Variants in ADAMTSL3 observed in about 807,000 individuals in gnomAD.
ADAMTSL3 encodes the protein ADAMTS-like protein 3.
Under a neutral mutation model 201.7 loss-of-function variants are expected in ADAMTSL3, and 128 were observed. That is an observed-to-expected ratio of 0.63 (90% CI 0.55 to 0.73). The LOEUF (loss-of-function observed/expected upper bound fraction) is 0.73, where lower values mean the gene tolerates loss of function less well. Ranked by LOEUF, ADAMTSL3 falls within the 30% of genes least tolerant of loss-of-function variation. ADAMTSL3 has a pLI of 0.00. For synonymous variants in ADAMTSL3, 738 were observed against 748.4 expected, an observed-to-expected ratio of 0.99 and a Z score of 0.23; for missense variants, 1,990 against 2,119.6, an observed-to-expected ratio of 0.94 and a Z score of 1.20.
intron 3 of ADAMTSL3, among the ~76,000 whole-genome samples, chr15:83,739,193 C>A (rs2062415321): frequency 1.3e-5 from 2 of 151,388 alleles, no homozygotes; most frequent in South Asian, 4.2e-4. Flanking sequence ...TAAAATCATG[C>A]AGAAGGATGG....
intron 7 of ADAMTSL3, among the ~76,000 whole-genome samples, chr15:83,848,173 C>A (rs2064540661): frequency 6.7e-6 from 1 of 150,194 alleles, no homozygotes; most frequent in Non-Finnish European, 1.5e-5. Flanking sequence ...AAAACACACA[C>A]CAAAAAAATA....
At chr15:83,749,368 A>G (rs2062601683) in intron 3 of ADAMTSL3, among the ~76,000 whole-genome samples, 1 of 152,052 alleles carries the variant, frequency 6.6e-6, no homozygotes, top group Non-Finnish European at 1.5e-5. Flanking sequence ...TTGATAGTAC[A>G]CTCTTGCAGC....
intron 4 of ADAMTSL3, among the ~76,000 whole-genome samples, chr15:83,781,996 T>G (rs2063177383): frequency 6.6e-6 from 1 of 152,206 alleles, no homozygotes; most frequent in African/African-American, 2.4e-5. Flanking sequence ...TCAACCTTTG[T>G]GGAAGACAGT....
At chr15:83,883,986 G>A (rs1457652930) in intron 9 of ADAMTSL3, among the ~76,000 whole-genome samples, 1 of 151,638 alleles carries the variant, frequency 6.6e-6, no homozygotes, top group Admixed American at 6.6e-5. Flanking sequence ...TCCGCCTCCC[G>A]GGTTCGAGCT....
intron 4 of ADAMTSL3, among the ~76,000 whole-genome samples, chr15:83,791,026 A>T (rs2063335791): frequency 6.6e-6 from 1 of 152,232 alleles, no homozygotes; most frequent in East Asian, 1.9e-4. Flanking sequence ...GAATACATTT[A>T]GCCAAGGAGG....
chr15:83,934,177 G>T (rs552257508), intron 17 of ADAMTSL3, among the ~76,000 whole-genome samples: 23 of 151,858 alleles, frequency 1.5e-4, no homozygotes, highest in South Asian at 6.2e-4. Flanking sequence ...CAGCTGGGAG[G>T]GGGGGCTGTA....
intron 8 of ADAMTSL3, among the ~76,000 whole-genome samples, chr15:83,865,941 T>C (rs2064966074): frequency 6.6e-6 from 1 of 151,950 alleles, no homozygotes; most frequent in Non-Finnish European, 1.5e-5. Flanking sequence ...CATCAAAAAG[T>C]GGGTGAAGGA....
intron 19 of ADAMTSL3, among the ~76,000 whole-genome samples, chr15:83,944,587 G>C (rs553699588): frequency 6.6e-6 from 1 of 152,240 alleles, no homozygotes; most frequent in South Asian, 2.1e-4. Flanking sequence ...CCTTTTTATA[G>C]ATGAGAAAAA....
At chr15:83,805,554 C>A (rs149086287) in intron 5 of ADAMTSL3, among the ~76,000 whole-genome samples, 1 of 147,920 alleles carries the variant, frequency 6.8e-6, no homozygotes, top group African/African-American at 2.5e-5. Flanking sequence ...GAGACTCTGT[C>A]TCAAAAAAAA....
intron 3 of ADAMTSL3, chr15:83,740,193 A>AT (rs1288764432): frequency 4.8e-6 from 1 of 208,978 alleles, no homozygotes; most frequent in East Asian, 1.1e-4. Flanking sequence ...GGGTTTCTTG[A>AT]TTTTCCACAG....
At chr15:83,686,199 A>C (rs367942183) in intron 2 of ADAMTSL3, among the ~76,000 whole-genome samples, 3 of 152,234 alleles carry the variant, frequency 2.0e-5, no homozygotes, top group Admixed American at 1.3e-4. Flanking sequence ...AGAAGGGTAT[A>C]GACCGGTTTT....
chr15:83,989,707 G>C (rs906937244), intron 22 of ADAMTSL3, among the ~76,000 whole-genome samples: 1 of 152,182 alleles, frequency 6.6e-6, no homozygotes, highest in East Asian at 1.9e-4. Context: ...CAGGCACAAA[G>C]TATGCTTCCT....
intron 2 of ADAMTSL3, among the ~76,000 whole-genome samples, chr15:83,697,689 C>A (rs1396857689): frequency 6.6e-6 from 1 of 152,094 alleles, no homozygotes. Flanking sequence ...TGGGGTGTGC[C>A]ACCTCCAGGC....
chr15:83,901,609 A>G (rs961696315), intron 15 of ADAMTSL3, among the ~76,000 whole-genome samples: 1 of 152,238 alleles, frequency 6.6e-6, no homozygotes, highest in Non-Finnish European at 1.5e-5. Flanking sequence ...TTGGTAGTCA[A>G]GCTGATGGAA....
intron 15 of ADAMTSL3, among the ~76,000 whole-genome samples, chr15:83,900,360 T>C (rs940552103): frequency 1.3e-5 from 2 of 152,110 alleles, no homozygotes; most frequent in African/African-American, 4.8e-5. Flanking sequence ...ACAGTGCCAG[T>C]GGAAATTAAG....
At chr15:83,864,919 C>A (rs2064942549) in intron 8 of ADAMTSL3, among the ~76,000 whole-genome samples, 1 of 152,194 alleles carries the variant, frequency 6.6e-6, no homozygotes, top group African/African-American at 2.4e-5. Context: ...AGCAAAGTCT[C>A]AGGATACAAA....
chr15:84,011,692 T>TA (rs1167392639), intron 23 of ADAMTSL3, among the ~76,000 whole-genome samples: 6 of 152,126 alleles, frequency 3.9e-5, no homozygotes, highest in Non-Finnish European at 7.4e-5. Flanking sequence ...TTATTTACCT[T>TA]AAAAAACAAG....
At chr15:84,015,148 G>A (rs1301691034) in intron 24 of ADAMTSL3, among the ~76,000 whole-genome samples, 3 of 152,160 alleles carry the variant, frequency 2.0e-5, no homozygotes, top group Non-Finnish European at 4.4e-5. Flanking sequence ...GTTTCACCAT[G>A]TTGGCCAGGA....
At position 83,982,553 on chromosome 15, in the gene ADAMTSL3, C is replaced by G. The variant is rs746562941; in HGVS notation, c.2925C>G (p.Pro975=). Residue 975 remains proline (P), a synonymous_variant, in exon 21 of 30, where the codon CCC becomes CCG. Coordinates refer to ENST00000286744, the MANE Select transcript of ADAMTSL3 (RefSeq NM_207517.3). ...TAAAAATCCATGGTCTTGCTGCCCC[C>G]GACATCGGCGTGTACCGGTGCATTG... ...GSLKIHGLAA[P]DIGVYRCIAG... The G allele has an allele frequency of 5.0e-6, 8 of 1,614,058 alleles. No individual in the cohort carries two copies. The African/African-American group carries it at 8.0e-5, about 16-fold the overall frequency.
Sources: allele counts gnomAD v4.1 joint callset (sites outside exome capture counted in the v4.1 genomes callset), GRCh38; gene constraint gnomAD v4.1.1; transcripts MANE v1.5; gene names NCBI Gene and HGNC (gene_info 2026-07-23, HGNC 2026-07-21).